Variants in RIMS2 observed in about 807,000 individuals in gnomAD.
RIMS2 encodes the protein regulating synaptic membrane exocytosis protein 2.
Under a neutral mutation model 174.4 loss-of-function variants are expected in RIMS2, and 59 were observed. The ratio of observed to expected loss-of-function variants is 0.34; its 90% CI spans 0.27 to 0.42. RIMS2 has a LOEUF of 0.42. Ranked by LOEUF, RIMS2 falls within the 10% of genes least tolerant of loss-of-function variation. The pLI, the probability that RIMS2 is intolerant of heterozygous loss-of-function variation, is 1.00. For synonymous variants in RIMS2, 606 were observed against 572.5 expected, an observed-to-expected ratio of 1.06 and a Z score of -0.84; for missense variants, 1,620 against 1,666.3, an observed-to-expected ratio of 0.97 and a Z score of 0.48.
intron 14 of RIMS2, among the ~76,000 whole-genome samples, chr8:103,951,446 C>T (rs560280032): frequency 6.6e-6 from 1 of 152,294 alleles, no homozygotes; most frequent in East Asian, 1.9e-4. Context: ...GAAGTGGGTG[C>T]AGCCTAAGGT....
At chr8:103,838,596 T>C (rs2098918830) in intron 3 of RIMS2, among the ~76,000 whole-genome samples, 1 of 152,216 alleles carries the variant, frequency 6.6e-6, no homozygotes, top group African/African-American at 2.4e-5. Context: ...TCTCACTCTA[T>C]TATCTAATAA....
At position 104,068,506 on chromosome 8, in the gene RIMS2, C is replaced by T. The variant is rs539973532; in HGVS notation, c.3334+53891C>T. On this transcript the variant is annotated intron_variant, in intron 19 of 23. Coordinates refer to ENST00000504942, the Ensembl canonical transcript of RIMS2. ...TTAATTTTATGGGTTTTTTTCTACT[C>T]GATAGGTACTATGGATATAGAGGAG... The T allele has an allele frequency of 6.8e-6, 9 of 1,323,002 alleles. No individual in the cohort carries two copies. In the East Asian group the frequency reaches 7.2e-5, roughly 11 times the overall value. 82.0% of individuals were successfully genotyped at this position (1,323,002 alleles called of 1,614,324 possible).
chr8:103,895,381 C>G (rs969032118), intron 4 of RIMS2, among the ~76,000 whole-genome samples: 2 of 151,430 alleles, frequency 1.3e-5, no homozygotes, highest in African/African-American at 4.9e-5. Flanking sequence ...CTGGCAGATT[C>G]AGTGTCTAGT....
intron 1 of RIMS2, among the ~76,000 whole-genome samples, chr8:103,532,732 A>C (rs1193955709): frequency 1.3e-5 from 2 of 152,270 alleles, no homozygotes; most frequent in Non-Finnish European, 2.9e-5. Flanking sequence ...TGCAAATTGC[A>C]ATAATACAGT....
intron 17 of RIMS2, among the ~76,000 whole-genome samples, chr8:104,006,256 A>G (rs2095571398): frequency 6.6e-6 from 1 of 151,954 alleles, no homozygotes; most frequent in Non-Finnish European, 1.5e-5. Flanking sequence ...AATTGTCTTA[A>G]TAATACCTTC....
intron 3 of RIMS2, among the ~76,000 whole-genome samples, chr8:103,866,540 C>T (rs761401616): frequency 1.6e-4 from 25 of 152,022 alleles, no homozygotes; most frequent in African/African-American, 2.7e-4. Flanking sequence ...GCATAACAAA[C>T]GATATTTGAA....
chr8:103,742,707 G>A (rs1279356561), intron 2 of RIMS2, among the ~76,000 whole-genome samples: 1 of 152,050 alleles, frequency 6.6e-6, no homozygotes, highest in African/African-American at 2.4e-5. Flanking sequence ...TTTCTTTAGG[G>A]TTTGAATGTT....
At chr8:103,523,200 A>G (rs1290708014) in intron 1 of RIMS2, among the ~76,000 whole-genome samples, 5 of 151,980 alleles carry the variant, frequency 3.3e-5, no homozygotes, top group African/African-American at 1.2e-4. Flanking sequence ...TACTCTTTAC[A>G]TAGAGGATGT....
At chr8:103,743,180 G>A (rs991101252) in intron 2 of RIMS2, among the ~76,000 whole-genome samples, 3 of 152,132 alleles carry the variant, frequency 2.0e-5, no homozygotes, top group African/African-American at 7.2e-5. Context: ...TTTGTTAGCT[G>A]TTGACACAAC....
intron 19 of RIMS2, among the ~76,000 whole-genome samples, chr8:104,188,506 C>T (rs2441897): frequency 0.84 from 127,413 of 151,444 alleles, 54,143 homozygotes; most frequent in East Asian, 1. Context: ...ACAAATAAGA[C>T]TTGTACATTT....
chr8:103,549,748 G>T (rs1351837290), intron 1 of RIMS2, among the ~76,000 whole-genome samples: 5 of 152,088 alleles, frequency 3.3e-5, no homozygotes, highest in Non-Finnish European at 7.4e-5. Flanking sequence ...TAGACACACA[G>T]AGGCTCAAAA....
At chr8:104,044,652 G>A (rs1335363769) in intron 19 of RIMS2, among the ~76,000 whole-genome samples, 1 of 151,664 alleles carries the variant, frequency 6.6e-6, no homozygotes, top group Non-Finnish European at 1.5e-5. Flanking sequence ...ATAATTTGAA[G>A]TCTTTCTTAA....
At chr8:104,227,975 G>A (rs1252783435) in intron 19 of RIMS2, among the ~76,000 whole-genome samples, 1 of 150,574 alleles carries the variant, frequency 6.6e-6, no homozygotes, top group Non-Finnish European at 1.5e-5. Context: ...AAATAAACTG[G>A]AATAAAAAGA....
chr8:103,822,890 T>C (rs2098761499), intron 3 of RIMS2, among the ~76,000 whole-genome samples: 1 of 151,956 alleles, frequency 6.6e-6, no homozygotes, highest in South Asian at 2.1e-4. Flanking sequence ...GAGTTCAATA[T>C]GAAATCTAAT....
At chr8:104,187,165 T>C (rs2098972713) in intron 19 of RIMS2, among the ~76,000 whole-genome samples, 2 of 151,820 alleles carry the variant, frequency 1.3e-5, no homozygotes, top group South Asian at 4.1e-4. Flanking sequence ...AGTCATTGTA[T>C]GGTTCTTGCC....
chr8:103,891,560 G>T (rs994972093), intron 4 of RIMS2, among the ~76,000 whole-genome samples: 5 of 152,030 alleles, frequency 3.3e-5, no homozygotes, highest in Non-Finnish European at 7.4e-5. Context: ...TTTAAGTTGA[G>T]GTCTGTTGTG....
chr8:103,638,135 TTTTTA>T (rs1315384010), intron 1 of RIMS2, among the ~76,000 whole-genome samples: 3 of 152,048 alleles, frequency 2.0e-5, no homozygotes, highest in African/African-American at 7.2e-5. Context: ...AATTGTTTCT[TTTTTA>T]TTTTCTATTG....
chr8:104,117,583 C>T (rs2098299206), intron 19 of RIMS2, among the ~76,000 whole-genome samples: 1 of 151,996 alleles, frequency 6.6e-6, no homozygotes, highest in African/African-American at 2.4e-5. Context: ...TCAAGCAATC[C>T]CCCCTTCCTG....
intron 19 of RIMS2, among the ~76,000 whole-genome samples, chr8:104,143,076 A>G (rs1374238794): frequency 2.6e-5 from 4 of 152,200 alleles, no homozygotes; most frequent in African/African-American, 9.7e-5. Context: ...ACCAAAACCA[A>G]GTTCTTATGC....
Sources: allele counts gnomAD v4.1 joint callset (sites outside exome capture counted in the v4.1 genomes callset), GRCh38; gene constraint gnomAD v4.1.1; transcripts MANE v1.5; gene names NCBI Gene and HGNC (gene_info 2026-07-23, HGNC 2026-07-21).